Variants in PEPD observed in about 807,000 individuals in gnomAD.
The protein encoded by PEPD is xaa-Pro dipeptidase.
In PEPD, 53 loss-of-function variants were observed where a neutral mutation model predicts 60.7. The ratio of observed to expected loss-of-function variants is 0.87; its 90% CI spans 0.70 to 1.10. The LOEUF is 1.10. Ranked by LOEUF, PEPD falls within the 50% of genes least tolerant of loss-of-function variation. PEPD has a pLI of 0.00. For synonymous variants in PEPD, 267 were observed against 284.1 expected (o/e 0.94, Z 0.60); for missense variants, 711 against 711.9 (o/e 1.00, Z 0.01).
At chr19:33,391,784 G>A (rs1216947436) in intron 12 of PEPD, among the ~76,000 whole-genome samples, 6 of 152,206 alleles carry the variant, frequency 3.9e-5, no homozygotes, top group African/African-American at 1.4e-4. Flanking sequence ...GTAGCCCATG[G>A]TGTGTCCACC....
At chr19:33,506,681 TCA>T (rs1301326852) in intron 3 of PEPD, among the ~76,000 whole-genome samples, 2 of 86,934 alleles carry the variant, frequency 2.3e-5, no homozygotes, top group African/African-American at 9.3e-5. Flanking sequence ...CCTACACACC[TCA>T]CACACCCACA....
intron 3 of PEPD, among the ~76,000 whole-genome samples, chr19:33,509,346 C>T (rs557947564): frequency 3.3e-4 from 51 of 152,308 alleles, no homozygotes; most frequent in African/African-American, 1.2e-3. Flanking sequence ...TCTTCTGCTG[C>T]CAATTGTGCT....
chr19:33,500,315 G>A (rs1294496639), intron 4 of PEPD, among the ~76,000 whole-genome samples: 3 of 152,190 alleles, frequency 2.0e-5, no homozygotes, highest in East Asian at 1.9e-4. Context: ...CTGTGCTCTC[G>A]CCTCTGTCCC....
At chr19:33,408,733 G>T (rs1183645070) in intron 11 of PEPD, among the ~76,000 whole-genome samples, 1 of 152,166 alleles carries the variant, frequency 6.6e-6, no homozygotes, top group Non-Finnish European at 1.5e-5. Flanking sequence ...CGGCTTCGGG[G>T]GAATTCTACG....
intron 9 of PEPD, among the ~76,000 whole-genome samples, chr19:33,454,976 C>T (rs531371396): frequency 6.6e-6 from 1 of 152,186 alleles, no homozygotes; most frequent in Non-Finnish European, 1.5e-5. Context: ...TTCAAAGTAC[C>T]TAGCCATACT....
intron 9 of PEPD, among the ~76,000 whole-genome samples, chr19:33,433,346 A>T (rs186002005): frequency 6.6e-6 from 1 of 152,150 alleles, no homozygotes. Flanking sequence ...GGGCACGCCC[A>T]CTCCACAAAC....
chr19:33,511,278 G>A, intron 2 of PEPD, 123 bp from the exon 3 acceptor site: 1 of 954,548 alleles, frequency 1.0e-6, no homozygotes. Context: ...ACTGACCCCA[G>A]CCCCAGACAT....
intron 1 of PEPD, among the ~76,000 whole-genome samples, chr19:33,518,881 C>A (rs1415815094): frequency 6.6e-6 from 1 of 152,116 alleles, no homozygotes; most frequent in Non-Finnish European, 1.5e-5. Context: ...TAAACCTTTA[C>A]CCGAGGGCTG....
chr19:33,410,893 T>A (rs1968749364), intron 11 of PEPD, among the ~76,000 whole-genome samples: 1 of 152,046 alleles, frequency 6.6e-6, no homozygotes. Flanking sequence ...TGGCCCTGGC[T>A]GACATCTGAC....
At chr19:33,484,570 G>C (rs1307306705) in intron 6 of PEPD, among the ~76,000 whole-genome samples, 1 of 152,110 alleles carries the variant, frequency 6.6e-6, no homozygotes, top group Non-Finnish European at 1.5e-5. Context: ...CACACACACA[G>C]ATGTAGGCAG....
chr19:33,387,710 C>T, intron 14 of PEPD, 180 bp downstream of exon 14: 2 of 762,190 alleles, frequency 2.6e-6, no homozygotes, highest in South Asian at 1.6e-5. Context: ...TTTGCAGGAT[C>T]TCTGTCTGTT....
At chr19:33,400,131 C>G (rs1026089195) in intron 12 of PEPD, among the ~76,000 whole-genome samples, 1 of 152,186 alleles carries the variant, frequency 6.6e-6, no homozygotes, top group African/African-American at 2.4e-5. Context: ...CTTGGGCCTG[C>G]CTGTCTCTCT....
At chr19:33,388,269 A>G in intron 13 of PEPD, 188 bp from the exon 14 acceptor site, 2 of 697,972 alleles carry the variant, frequency 2.9e-6, no homozygotes, top group Non-Finnish European at 5.2e-6. Context: ...CACCCTGCAC[A>G]TACCCCTGGA....
chr19:33,397,384 A>G (rs1219283122), intron 12 of PEPD, among the ~76,000 whole-genome samples: 1 of 151,934 alleles, frequency 6.6e-6, no homozygotes, highest in Non-Finnish European at 1.5e-5. Flanking sequence ...GTCTTGGCCC[A>G]GGAATTGAAC....
intron 5 of PEPD, among the ~76,000 whole-genome samples, chr19:33,490,333 A>G (rs183037318): frequency 1.3e-5 from 2 of 152,260 alleles, no homozygotes; most frequent in East Asian, 3.9e-4. Context: ...AGGTCAGAGC[A>G]CTCTGCTGAA....
intron 11 of PEPD, among the ~76,000 whole-genome samples, chr19:33,406,433 G>T (rs1267731150): frequency 1.3e-5 from 2 of 152,232 alleles, no homozygotes; most frequent in Non-Finnish European, 2.9e-5. Context: ...CATGCCTGTG[G>T]GTCTGGACCC....
At chr19:33,462,914 G>A (rs143996995) in intron 9 of PEPD, 81 bp downstream of exon 9, 10 of 848,052 alleles carry the variant, frequency 1.2e-5, no homozygotes, top group African/African-American at 1.2e-4. Context: ...CCACTGCGGC[G>A]TCTCATCTGT....
At chr19:33,471,040 C>T (rs1483591686) in intron 7 of PEPD, among the ~76,000 whole-genome samples, 1 of 152,150 alleles carries the variant, frequency 6.6e-6, no homozygotes, top group Non-Finnish European at 1.5e-5. Context: ...ACCACATCCT[C>T]CTCCCAGCAG....
chr19:33,398,215 C>T (rs539062054), intron 12 of PEPD, among the ~76,000 whole-genome samples: 13 of 152,380 alleles, frequency 8.5e-5, no homozygotes, highest in Admixed American at 2.0e-4. Flanking sequence ...CTGAGCTCCT[C>T]AGCCTGATGC....
Sources: gnomAD v4.1 joint callset for allele counts (sites outside exome capture counted in the v4.1 genomes callset) on GRCh38, gnomAD v4.1.1 for gene constraint, MANE v1.5 for transcripts, NCBI Gene and HGNC (gene_info 2026-07-23, HGNC 2026-07-21) for gene names.